Variants in FBXL7 observed in about 807,000 individuals in gnomAD.
The protein encoded by FBXL7 is F-box/LRR-repeat protein 7.
In FBXL7, 12 loss-of-function variants were observed where a neutral mutation model predicts 38.3. The observed-to-expected ratio is 0.31, with a 90% confidence interval of 0.20 to 0.51. The LOEUF (loss-of-function observed/expected upper bound fraction) is 0.51. Among genes scored for constraint, FBXL7 ranks in the 20% least tolerant of loss-of-function variants. FBXL7 has a pLI of 0.98. For missense variants in FBXL7, 567 were observed against 676.4 expected, an observed-to-expected ratio of 0.84 and a Z score of 1.79; for synonymous variants, 297 against 300.9, an observed-to-expected ratio of 0.99 and a Z score of 0.13.
At chr5:15,573,054 A>G (rs188995727) in intron 1 of FBXL7, among the ~76,000 whole-genome samples, 10 of 152,340 alleles carry the variant, frequency 6.6e-5, no homozygotes, top group African/African-American at 1.9e-4. Flanking sequence ...GGCAAGGTTA[A>G]TCACCTCCCC....
At position 15,781,284 on chromosome 5, in the gene FBXL7, G is replaced by A. The variant is rs538680577; in HGVS notation, c.128-146606G>A. On this transcript the variant is annotated intron_variant, in intron 2 of 3. Transcript: ENST00000504595. ...ATAACGAGAGAGAAATTTTTAAAAC[G>A]TTCAAAAAGTAAGAAGCAGTCATGG... Among the ~76,000 whole-genome samples, 4 of 152,162 alleles carry A rather than the reference G, an allele frequency of 2.6e-5. No homozygotes were observed. The South Asian group carries it at 6.2e-4, about 24-fold the overall frequency.
chr5:15,674,226 A>G (rs1389284176), intron 2 of FBXL7, among the ~76,000 whole-genome samples: 2 of 152,248 alleles, frequency 1.3e-5, no homozygotes, highest in African/African-American at 4.8e-5. Context: ...AATGGCACAT[A>G]TATGATGTTA....
chr5:15,837,186 T>C (rs1332740695), intron 2 of FBXL7, among the ~76,000 whole-genome samples: 1 of 152,178 alleles, frequency 6.6e-6, no homozygotes, highest in Non-Finnish European at 1.5e-5. Flanking sequence ...CCAACATTAA[T>C]TGAAATGTAA....
intron 2 of FBXL7, among the ~76,000 whole-genome samples, chr5:15,656,870 A>G (rs542340037): frequency 1.3e-5 from 2 of 152,272 alleles, no homozygotes; most frequent in South Asian, 2.1e-4. Context: ...ATATAAATCA[A>G]TCTGGAAATG....
chr5:15,703,009 C>A (rs566166269), intron 2 of FBXL7, among the ~76,000 whole-genome samples: 4 of 152,190 alleles, frequency 2.6e-5, no homozygotes, highest in African/African-American at 9.6e-5. Flanking sequence ...CACAAGATAA[C>A]GTCATCAGTT....
intron 1 of FBXL7, among the ~76,000 whole-genome samples, chr5:15,505,469 G>C (rs1447010627): frequency 6.6e-6 from 1 of 152,072 alleles, no homozygotes; most frequent in Non-Finnish European, 1.5e-5. Context: ...AGATTCTTAG[G>C]ATAAGTCAGT....
chr5:15,561,188 A>C (rs753426309), intron 1 of FBXL7, among the ~76,000 whole-genome samples: 2 of 152,176 alleles, frequency 1.3e-5, no homozygotes, highest in East Asian at 3.9e-4. Flanking sequence ...TTCATCTGCT[A>C]TAACTGCATC....
rs377416367 is a variant in FBXL7, at chr5:15,799,775, G to A, written c.128-128115G>A. Among the ~76,000 whole-genome samples the A allele has an allele frequency of 5.9e-5, 9 of 152,296 alleles. No individual in the cohort carries two copies. The East Asian group carries it at 1.5e-3, about 26-fold the overall frequency. ...AGAGCACTACACGGATTAGCAGCAA[G>A]TCCTCAGAAAGTCTGTTCCATCATC... is the stretch of plus-strand genomic sequence containing the variant. On this transcript the variant is annotated intron_variant, in intron 2 of 3. Transcript: ENST00000504595.
intron 1 of FBXL7, among the ~76,000 whole-genome samples, chr5:15,554,934 AAGTC>A (rs1434160991): frequency 6.6e-6 from 1 of 152,188 alleles, no homozygotes; most frequent in South Asian, 2.1e-4. Context: ...TTTAGAGAAA[AAGTC>A]AGAGTCACGC....
rs368712808 is a variant in FBXL7 at position 15,620,406 on chromosome 5, G to GTT, written c.127+4339_127+4340dup. 7.4e-3 allele frequency among the ~76,000 whole-genome samples: 860 copies of GTT among 116,574 alleles called. 10 individuals carry two copies. Among genetic ancestry groups the GTT allele is most frequent in the African/African-American group, 0.024 (795 of 33,036 alleles). 76.5% of individuals were successfully genotyped at this position (116,574 alleles called of 152,430 possible). On this transcript the variant is annotated intron_variant, in intron 2 of 3. Coordinates refer to ENST00000504595, the MANE Select transcript of FBXL7 (RefSeq NM_012304.5). ...TGCCACCACGCCCAGCTAATTTTTTGTTTTTTGTTTTTTTTTTTTTTTAAG... is the reference window on the plus strand; with the variant it reads ...TGCCACCACGCCCAGCTAATTTTTTGTTTTTTTTGTTTTTTTTTTTTTTTAAG...
At chr5:15,756,864 T>C (rs1736311669) in intron 2 of FBXL7, among the ~76,000 whole-genome samples, 1 of 152,154 alleles carries the variant, frequency 6.6e-6, no homozygotes, top group Admixed American at 6.5e-5. Context: ...GGACTAATAA[T>C]AAGAAAGAAA....
chr5:15,703,898 AG>A (rs1403357656), intron 2 of FBXL7, among the ~76,000 whole-genome samples: 1 of 152,234 alleles, frequency 6.6e-6, no homozygotes, highest in African/African-American at 2.4e-5. Context: ...GTATTTTCCC[AG>A]AATGTAAAGA....
chr5:15,512,008 C>T lies in FBXL7; in HGVS notation c.37+11295C>T, dbSNP rs1362189572. ...TAAAACAACTCAGCAGGGGCTCCCT[C>T]CTCTGCAAAACTCTGTTTGGGACAT... On this transcript the variant is annotated intron_variant, in intron 1 of 3. Transcript: ENST00000504595. Among the ~76,000 whole-genome samples the T allele has an allele frequency of 2.6e-5, 4 of 152,184 alleles. No homozygotes were observed. The East Asian group carries it at 7.7e-4, about 29-fold the overall frequency.
intron 2 of FBXL7, among the ~76,000 whole-genome samples, chr5:15,749,756 TCTGAGTGCC>T (rs1274355731): frequency 6.6e-6 from 1 of 152,238 alleles, no homozygotes; most frequent in Non-Finnish European, 1.5e-5. Flanking sequence ...TTGGATTATA[TCTGAGTGCC>T]CTGTGGCTTG....
At chr5:15,891,712 A>C (rs1417104312) in intron 2 of FBXL7, among the ~76,000 whole-genome samples, 2 of 152,232 alleles carry the variant, frequency 1.3e-5, no homozygotes, top group African/African-American at 2.4e-5. Flanking sequence ...CTCTGAGCCC[A>C]GTTTAGATCC....
At position 15,939,765 on chromosome 5, in the gene FBXL7, T is replaced by TACC. The variant is rs138073767; in HGVS notation, c.*2581_*2583dup. 0.06 allele frequency: 9,132 copies of TACC among 152,694 alleles called. 389 individuals carry two copies. The highest frequency in any genetic ancestry group is 0.13 in the African/African-American group (5,201 of 41,508). The allele number at this position is 152,694 out of a possible 1,614,324, so 9.5% of individuals were successfully genotyped here. On this transcript the variant is annotated 3_prime_UTR_variant, in exon 4 of 4. Coordinates refer to ENST00000504595, the MANE Select transcript of FBXL7 (RefSeq NM_012304.5). ...ATGAATCTAGAAAGCCTTAATTTAC[T>TACC]ACCAAGAAATAAAGCAATATGTTCG...
chr5:15,537,440 C>T (rs1737617793), intron 1 of FBXL7, among the ~76,000 whole-genome samples: 2 of 152,090 alleles, frequency 1.3e-5, no homozygotes, highest in African/African-American at 4.8e-5. Flanking sequence ...AACCCTTAAA[C>T]CATTCACTGC....
At chr5:15,877,556 G>C (rs1740261433) in intron 2 of FBXL7, among the ~76,000 whole-genome samples, 1 of 130,078 alleles carries the variant, frequency 7.7e-6, no homozygotes, top group Non-Finnish European at 1.7e-5. Flanking sequence ...CACTTGGCAA[G>C]GTAAATAACA....
Position 15,731,551 on chromosome 5 carries a change from C to G in FBXL7, c.127+115479C>G, listed in dbSNP as rs1735584890. 2.0e-5 allele frequency among the ~76,000 whole-genome samples: 3 copies of G among 151,380 alleles called. No individual in the cohort carries two copies. In the East Asian group the frequency reaches 5.8e-4, roughly 29 times the overall value. ...GTGGGGACACAGAGCCAAACCATAT[C>G]AAGGGGAAGAAAAGAAAAAGGGAAA... On this transcript the variant is annotated intron_variant, in intron 2 of 3. Transcript: ENST00000504595.
Sources: allele counts gnomAD v4.1 joint callset (sites outside exome capture counted in the v4.1 genomes callset), GRCh38; gene constraint gnomAD v4.1.1; transcripts MANE v1.5; gene names NCBI Gene and HGNC (gene_info 2026-07-23, HGNC 2026-07-21).